The following TNKS variants were observed in gnomAD, a reference collection of about 807,000 sequenced individuals.
The protein encoded by TNKS is poly [ADP-ribose] polymerase tankyrase-1.
Under a neutral mutation model 135.8 loss-of-function variants are expected in TNKS, and 72 were observed. The ratio of observed to expected loss-of-function variants is 0.53; its 90% CI spans 0.44 to 0.64. The LOEUF is 0.64. Among genes scored for constraint, TNKS ranks in the 30% least tolerant of loss-of-function variants. TNKS has a pLI of 0.00. For synonymous variants in TNKS, 849 were observed against 649.3 expected (o/e 1.31, Z -4.68); for missense variants, 1,769 against 1,674.0 (o/e 1.06, Z -0.99).
At chr8:9,600,273 T>G (rs1188701693) in intron 2 of TNKS, among the ~76,000 whole-genome samples, 1 of 152,188 alleles carries the variant, frequency 6.6e-6, no homozygotes, top group Non-Finnish European at 1.5e-5. Flanking sequence ...GCAGACTTTG[T>G]AGTGAACTTT....
chr8:9,727,616 T>C (rs1242537747), intron 13 of TNKS, among the ~76,000 whole-genome samples: 1 of 152,254 alleles, frequency 6.6e-6, no homozygotes, highest in Non-Finnish European at 1.5e-5. Flanking sequence ...ATAGCAAATT[T>C]GCTATTGACA....
At chr8:9,749,819 C>A (rs1039806897) in intron 18 of TNKS, among the ~76,000 whole-genome samples, 2 of 152,074 alleles carry the variant, frequency 1.3e-5, no homozygotes, top group Admixed American at 1.3e-4. Flanking sequence ...AATTATCCTT[C>A]TCTTTTCATA....
chr8:9,724,525 T>C (rs1266966705), intron 12 of TNKS, among the ~76,000 whole-genome samples: 2 of 152,234 alleles, frequency 1.3e-5, no homozygotes, highest in East Asian at 1.9e-4. Context: ...AGCTACTCTT[T>C]CACTCATGTT....
At chr8:9,706,597 GA>G (rs1804059195) in intron 7 of TNKS, among the ~76,000 whole-genome samples, 1 of 152,056 alleles carries the variant, frequency 6.6e-6, no homozygotes, top group Admixed American at 6.6e-5. Context: ...GATTTTAAGA[GA>G]ATAAAATACG....
chr8:9,718,207 AG>A (rs1804703330), intron 11 of TNKS, among the ~76,000 whole-genome samples: 1 of 152,042 alleles, frequency 6.6e-6, no homozygotes, highest in Non-Finnish European at 1.5e-5. Flanking sequence ...TTGTGGTTTG[AG>A]AAAAAAAATG....
chr8:9,675,802 A>G (rs1802507941), intron 3 of TNKS, among the ~76,000 whole-genome samples: 1 of 152,148 alleles, frequency 6.6e-6, no homozygotes, highest in East Asian at 1.9e-4. Flanking sequence ...ATAATGGATA[A>G]TACTTAGTGA....
chr8:9,653,061 A>T (rs891197788), intron 3 of TNKS, among the ~76,000 whole-genome samples: 6 of 152,154 alleles, frequency 3.9e-5, no homozygotes, highest in Non-Finnish European at 7.4e-5. Flanking sequence ...GTTTCCATGG[A>T]CATGTTCACC....
intron 14 of TNKS, 100 bp downstream of exon 14, chr8:9,731,135 A>G: frequency 7.6e-7 from 1 of 1,318,206 alleles, no homozygotes; most frequent in South Asian, 1.8e-5. Flanking sequence ...TAAAAAAGTA[A>G]TCGTTATTTT....
In TNKS at chr8:9,776,709, C is replaced by T. The variant is rs750083974; in HGVS notation, c.3957C>T (p.Thr1319=). 24 of 1,613,950 alleles carry T rather than the reference C, an allele frequency of 1.5e-5. No homozygotes were observed. The highest frequency in any genetic ancestry group is 8.8e-5 in the South Asian group (8 of 91,082). Residue 1319 remains threonine, a synonymous_variant, in exon 27 of 27, where the codon ACC becomes ACT. Coordinates refer to ENST00000310430, the MANE Select transcript of TNKS (RefSeq NM_003747.3). ...QIMKPEAPSQ[T]ATAAEQKT ...TGAAGCCAGAAGCCCCTTCCCAGAC[C>T]GCAACAGCCGCAGAGCAGAAGACCT...
chr8:9,703,560 G>A (rs984965044), intron 5 of TNKS, among the ~76,000 whole-genome samples: 18 of 152,150 alleles, frequency 1.2e-4, no homozygotes, highest in African/African-American at 4.3e-4. Context: ...TGGTCTCCTC[G>A]TTGATAGCTG....
chr8:9,557,909 A>G (rs1327668929), intron 1 of TNKS: 1 of 152,178 alleles, frequency 6.6e-6, no homozygotes, highest in Non-Finnish European at 1.5e-5. Context: ...AGGCAGTTTG[A>G]TTTTAGAGCT....
At chr8:9,614,734 G>A (rs1016249978) in intron 2 of TNKS, among the ~76,000 whole-genome samples, 2 of 152,106 alleles carry the variant, frequency 1.3e-5, no homozygotes, top group East Asian at 1.9e-4. Flanking sequence ...TGTTTGGGTA[G>A]TATTACAGCA....
chr8:9,617,038 C>T (rs531427180), intron 3 of TNKS, among the ~76,000 whole-genome samples: 22 of 152,304 alleles, frequency 1.4e-4, no homozygotes, highest in Middle Eastern at 3.4e-3. Context: ...CTCCCTCTGA[C>T]GTTTCCTTCT....
At chr8:9,614,241 C>G (rs892291763) in intron 2 of TNKS, among the ~76,000 whole-genome samples, 4 of 152,336 alleles carry the variant, frequency 2.6e-5, no homozygotes, top group Middle Eastern at 3.4e-3. Context: ...CCATTTTATT[C>G]TACTGACTCT....
intron 3 of TNKS, among the ~76,000 whole-genome samples, chr8:9,616,088 C>CAAATA (rs1480487441): frequency 2.0e-5 from 3 of 152,130 alleles, no homozygotes; most frequent in African/African-American, 7.2e-5. Flanking sequence ...GATCGATAGT[C>CAAATA]AAATAAAATA....
intron 3 of TNKS, among the ~76,000 whole-genome samples, chr8:9,624,695 T>C (rs556718814): frequency 1.3e-5 from 2 of 152,296 alleles, no homozygotes; most frequent in Non-Finnish European, 2.9e-5. Context: ...TGAGTTAGTT[T>C]TCCTTTTATT....
At chr8:9,704,552 A>C in intron 5 of TNKS, 111 bp from the exon 6 acceptor site, 5 of 795,512 alleles carry the variant, frequency 6.3e-6, no homozygotes, top group Non-Finnish European at 8.2e-6. Flanking sequence ...TTGACATTTC[A>C]GCGCAGTATT....
At chr8:9,624,895 G>C (rs1454433409) in intron 3 of TNKS, among the ~76,000 whole-genome samples, 1 of 151,994 alleles carries the variant, frequency 6.6e-6, no homozygotes, top group Non-Finnish European at 1.5e-5. Flanking sequence ...TACCAAGTCA[G>C]TGCTGTATAA....
intron 2 of TNKS, among the ~76,000 whole-genome samples, chr8:9,596,619 G>T (rs1308143835): frequency 1.3e-5 from 2 of 152,140 alleles, no homozygotes; most frequent in Non-Finnish European, 2.9e-5. Context: ...ATATAAATAA[G>T]ACTTACCAAG....
Sources: allele counts gnomAD v4.1 joint callset (sites outside exome capture counted in the v4.1 genomes callset), GRCh38; gene constraint gnomAD v4.1.1; transcripts MANE v1.5; gene names NCBI Gene and HGNC (gene_info 2026-07-23, HGNC 2026-07-21).